The following STRADA variants were observed in gnomAD, a reference collection of about 807,000 sequenced individuals.
The protein encoded by STRADA is STE20 related adaptor alpha, also known as STE20-related kinase adapter protein alpha.
STRADA carries 26 observed loss-of-function variants against 55.0 expected under a neutral mutation model. That is an observed-to-expected ratio of 0.47 (90% CI 0.35 to 0.66). STRADA has a LOEUF of 0.66. STRADA is among the 30% of genes least tolerant of loss of function. The probability of loss-of-function intolerance (pLI) is 0.01; values close to 1 mark genes in which losing one functional copy is unlikely to be tolerated. For synonymous variants in STRADA, 197 were observed against 210.9 expected (o/e 0.93, Z 0.57); for missense variants, 443 against 549.7 (o/e 0.81, Z 1.94).
chr17:63,737,710 C>G (rs2038552310), intron 1 of STRADA, among the ~76,000 whole-genome samples: 1 of 152,150 alleles, frequency 6.6e-6, no homozygotes, highest in Non-Finnish European at 1.5e-5. Flanking sequence ...ATTCAACTAT[C>G]AAAAGTTTGG....
At chr17:63,713,358 A>C in intron 6 of STRADA, 48 bp downstream of exon 6, 1 of 1,595,522 alleles carries the variant, frequency 6.3e-7, no homozygotes, top group South Asian at 1.1e-5. Context: ...TTCCTATCAG[A>C]GCCAAGAGCC....
At chr17:63,705,230 G>C (rs1212712873) in intron 10 of STRADA, 4 of 436,108 alleles carry the variant, frequency 9.2e-6, no homozygotes, top group Non-Finnish European at 1.7e-5. Context: ...CTAGCCACTT[G>C]TGGCTATTTC....
chr17:63,738,340 C>CAAAAAA (rs561180973), intron 1 of STRADA, among the ~76,000 whole-genome samples: 1 of 76,790 alleles, frequency 1.3e-5, no homozygotes. Context: ...GACTCCGACT[C>CAAAAAA]AAAAAAAAAA....
At chr17:63,709,424 T>C (rs987249353) in intron 8 of STRADA, among the ~76,000 whole-genome samples, 2 of 152,234 alleles carry the variant, frequency 1.3e-5, no homozygotes, top group African/African-American at 4.8e-5. Flanking sequence ...CTTTGGCCCA[T>C]TTTTCTTGCT....
At chr17:63,708,965 A>G (rs1025784730) in intron 8 of STRADA, among the ~76,000 whole-genome samples, 6 of 152,198 alleles carry the variant, frequency 3.9e-5, no homozygotes, top group Admixed American at 1.3e-4. Flanking sequence ...TGTAGTTTCC[A>G]GACACATCTG....
Position 63,720,019 on chromosome 17 carries a change from T to A in STRADA, c.123+3279A>T, listed in dbSNP as rs537217662. The stretch of plus-strand genomic sequence containing the variant: ...AAAGTATTAGTTTTAGAAAATAAAA[T>A]TCTTTTTCTTTTTTTTTTTTGAGAC... On this transcript the variant is annotated intron_variant, in intron 4 of 12. Coordinates refer to ENST00000336174, the MANE Select transcript of STRADA (RefSeq NM_001003787.4). 2.4e-4 allele frequency among the ~76,000 whole-genome samples: 36 copies of A among 151,970 alleles called. 1 individual carries two copies. The highest frequency in any genetic ancestry group is 1.8e-3 in the Admixed American group (28 of 15,264).
At chr17:63,711,037 C>G in intron 6 of STRADA, 1 of 569,022 alleles carries the variant, frequency 1.8e-6, no homozygotes, top group Non-Finnish European at 3.1e-6. Flanking sequence ...ACTGCTTTGC[C>G]TCTGCCAGAT....
At chr17:63,728,665 G>A (rs111401963) in intron 1 of STRADA, among the ~76,000 whole-genome samples, 2,521 of 150,558 alleles carry the variant, frequency 0.017, 70 homozygotes, top group African/African-American at 0.058. Flanking sequence ...TTGGGAGGCC[G>A]AGGCGGGCGG....
rs548072063 is a variant in STRADA at position 63,715,937 on chromosome 17, A to C, written c.124-1829T>G. On this transcript the variant is annotated intron_variant, in intron 4 of 12. Coordinates refer to ENST00000336174, the MANE Select transcript of STRADA (RefSeq NM_001003787.4). ...TTCTGCTATTATGGACTGTGCTACTATAAACATGTTTGAATATGTATCCTG... is the reference window on the plus strand; with the variant it reads ...TTCTGCTATTATGGACTGTGCTACTCTAAACATGTTTGAATATGTATCCTG... Among the ~76,000 whole-genome samples the C allele has an allele frequency of 1.6e-3, 242 of 152,222 alleles. 1 individual carries two copies. The highest frequency in any genetic ancestry group is 5.5e-3 in the African/African-American group (230 of 41,528).
intron 1 of STRADA, among the ~76,000 whole-genome samples, chr17:63,730,743 T>A (rs1051228233): frequency 6.6e-6 from 1 of 151,992 alleles, no homozygotes; most frequent in Non-Finnish European, 1.5e-5. Context: ...GTATTTTTAG[T>A]AGAGACAGGG....
intron 8 of STRADA, 76 bp from the exon 9 acceptor site, chr17:63,707,494 A>T: frequency 7.0e-7 from 1 of 1,429,424 alleles, no homozygotes; most frequent in Non-Finnish European, 9.8e-7. Context: ...CACACACTCC[A>T]CCTGGCCAGC....
intron 1 of STRADA, among the ~76,000 whole-genome samples, chr17:63,731,829 A>C (rs2038078578): frequency 6.6e-6 from 1 of 152,048 alleles, no homozygotes; most frequent in Non-Finnish European, 1.5e-5. Flanking sequence ...GGTCTGGAAA[A>C]ATTTTGGAAT....
In STRADA at chr17:63,740,137, T is replaced by C. The variant is rs1344756357; in HGVS notation, c.-45+1604A>G. On this transcript the variant is annotated intron_variant, in intron 1 of 12. Transcript: ENST00000336174. ...ACATACATATATATATACACATACA[T>C]ATATATATATACACACACACACACA... 3.6e-4 allele frequency among the ~76,000 whole-genome samples: 22 copies of C among 60,864 alleles called. 2 individuals carry two copies. Among genetic ancestry groups the C allele is most frequent in the South Asian group, 1.3e-3 (2 of 1,484 alleles). The allele number at this position is 60,864 out of a possible 152,430, so 39.9% of individuals were successfully genotyped here.
intron 6 of STRADA, among the ~76,000 whole-genome samples, chr17:63,712,893 C>T (rs1036158432): frequency 2.0e-5 from 3 of 149,306 alleles, no homozygotes; most frequent in Non-Finnish European, 3.0e-5. Flanking sequence ...CCCAGCTACT[C>T]GGGAGGCTAA....
At chr17:63,727,335 G>A (rs1482404343) in intron 2 of STRADA, 1 of 152,246 alleles carries the variant, frequency 6.6e-6, no homozygotes, top group Non-Finnish European at 1.5e-5. Context: ...AGCAGACAAG[G>A]AGCTCATATT....
Position 63,704,457 on chromosome 17 carries a change from G to A in STRADA, c.984C>T (p.Thr328=), listed in dbSNP as rs1729415768. The change falls in exon 11 of 13, where the codon ACC becomes ACT. Residue 328 remains threonine, a synonymous_variant. Coordinates refer to ENST00000336174, the MANE Select transcript of STRADA (RefSeq NM_001003787.4). Reference sequence around the variant, plus strand: ...CGTTGGAGGGCCGGGGGGTGCTGGTGGTCAGGCTGTCACTCAGGCCAGAGT... The same window carrying A: ...CGTTGGAGGGCCGGGGGGTGCTGGTAGTCAGGCTGTCACTCAGGCCAGAGT... The part of the protein sequence containing the change: ...VANSGLSDSL[T]TSTPRPSNGD... The A allele has an allele frequency of 6.2e-7, 1 of 1,613,184 alleles. No individual in the cohort carries two copies. The highest frequency in any genetic ancestry group is 1.7e-5 in the Admixed American group (1 of 60,002).
intron 3 of STRADA, among the ~76,000 whole-genome samples, chr17:63,724,642 G>T (rs1315107310): frequency 6.6e-6 from 1 of 151,970 alleles, no homozygotes; most frequent in East Asian, 1.9e-4. Context: ...TTGAACTCCC[G>T]ACCTTGTGAT....
At chr17:63,733,947 T>C (rs760362662) in intron 1 of STRADA, among the ~76,000 whole-genome samples, 3 of 152,224 alleles carry the variant, frequency 2.0e-5, no homozygotes, top group Non-Finnish European at 4.4e-5. Context: ...CTTCACCCCA[T>C]GTGCTGTTTC....
At chr17:63,739,830 A>G (rs980586833) in intron 1 of STRADA, among the ~76,000 whole-genome samples, 6 of 147,054 alleles carry the variant, frequency 4.1e-5, no homozygotes, top group Non-Finnish European at 4.5e-5. Context: ...GTACATAATT[A>G]TATGTATATA....
Sources: allele counts gnomAD v4.1 joint callset (sites outside exome capture counted in the v4.1 genomes callset), GRCh38; gene constraint gnomAD v4.1.1; transcripts MANE v1.5; gene names NCBI Gene and HGNC (gene_info 2026-07-23, HGNC 2026-07-21).